Variants in LYPD6 observed in about 807,000 individuals in gnomAD.
The protein encoded by LYPD6 is LY6/PLAUR domain containing 6, also known as ly6/PLAUR domain-containing protein 6.
A neutral mutation model predicts 22.7 loss-of-function variants in LYPD6; 15 were observed. The observed-to-expected ratio is 0.66, with a 90% confidence interval of 0.44 to 1.02. The LOEUF (loss-of-function observed/expected upper bound fraction) is 1.02. Ranked by LOEUF, LYPD6 falls within the 50% of genes least tolerant of loss-of-function variation. The pLI, the probability that LYPD6 is intolerant of heterozygous loss-of-function variation, is 0.00. For missense variants in LYPD6, 189 were observed against 208.4 expected, an observed-to-expected ratio of 0.91 and a Z score of 0.57; for synonymous variants, 72 against 77.5, an observed-to-expected ratio of 0.93 and a Z score of 0.37.
At chr2:149,341,266 C>G (rs1681155495) in intron 1 of LYPD6, among the ~76,000 whole-genome samples, 1 of 152,094 alleles carries the variant, frequency 6.6e-6, no homozygotes, top group Non-Finnish European at 1.5e-5. Flanking sequence ...GGGTGTCCTT[C>G]CATCCATTAT....
intron 1 of LYPD6, among the ~76,000 whole-genome samples, chr2:149,359,049 A>C (rs758495877): frequency 6.6e-6 from 1 of 152,234 alleles, no homozygotes; most frequent in African/African-American, 2.4e-5. Flanking sequence ...ATGATCCTCT[A>C]TGTAATTTTT....
intron 3 of LYPD6, among the ~76,000 whole-genome samples, chr2:149,462,614 T>A (rs1681111499): frequency 6.6e-6 from 1 of 151,798 alleles, no homozygotes; most frequent in South Asian, 2.1e-4. Flanking sequence ...TAAAACGATT[T>A]TGAAAAAGAA....
intron 1 of LYPD6, among the ~76,000 whole-genome samples, chr2:149,336,115 G>A (rs184778562): frequency 1.0e-3 from 153 of 152,244 alleles, no homozygotes; most frequent in African/African-American, 3.4e-3. Flanking sequence ...CTTTTCTTAT[G>A]AATGGGAAAT....
intron 1 of LYPD6, among the ~76,000 whole-genome samples, chr2:149,421,131 A>T (rs6434823): frequency 0.29 from 43,312 of 151,724 alleles, 7,841 homozygotes; most frequent in African/African-American, 0.52. Context: ...TAATCCCACC[A>T]CTTTCTTTAA....
At chr2:149,479,197 T>C in the LYPD6 span, among the ~76,000 whole-genome samples, 2 of 152,150 alleles carry the variant, frequency 1.3e-5, no homozygotes, top group African/African-American at 4.8e-5. Context: ...AATACTTCCA[T>C]TGGCTTCCAT....
chr2:149,354,797 C>A (rs1224059765), intron 1 of LYPD6, among the ~76,000 whole-genome samples: 1 of 152,138 alleles, frequency 6.6e-6, no homozygotes, highest in Non-Finnish European at 1.5e-5. Flanking sequence ...ATATTAATGA[C>A]CTGCAAAATT....
At chr2:149,468,156 C>A (rs984902181) in intron 3 of LYPD6, among the ~76,000 whole-genome samples, 4 of 138,638 alleles carry the variant, frequency 2.9e-5, no homozygotes, top group African/African-American at 8.3e-5. Context: ...CACACACACA[C>A]ACACACACAC....
intron 1 of LYPD6, among the ~76,000 whole-genome samples, chr2:149,341,627 C>A (rs768154748): frequency 4.1e-4 from 63 of 152,126 alleles, no homozygotes; most frequent in Non-Finnish European, 7.6e-4. Context: ...ATACCTGAGA[C>A]TGGGAAATTT....
At chr2:149,445,079 A>G (rs893315899) in intron 2 of LYPD6, among the ~76,000 whole-genome samples, 3 of 152,268 alleles carry the variant, frequency 2.0e-5, no homozygotes, top group African/African-American at 7.2e-5. Context: ...GTTCCCAGGC[A>G]TGAAAACGAC....
intron 3 of LYPD6, among the ~76,000 whole-genome samples, chr2:149,464,809 T>C (rs1681165514): frequency 6.6e-6 from 1 of 152,108 alleles, no homozygotes; most frequent in African/African-American, 2.4e-5. Flanking sequence ...TTCAGAAGAC[T>C]TGGAGACTCC....
At chr2:149,464,111 A>AT in intron 3 of LYPD6, 1 of 321,544 alleles carries the variant, frequency 3.1e-6, no homozygotes, top group South Asian at 1.9e-5. Flanking sequence ...AATAGGTTAA[A>AT]TTAAAAAAAA....
At chr2:149,395,206 T>C (rs575730685) in intron 1 of LYPD6, among the ~76,000 whole-genome samples, 9 of 152,264 alleles carry the variant, frequency 5.9e-5, no homozygotes, top group Non-Finnish European at 1.2e-4. Flanking sequence ...CGTAGAAGCT[T>C]CTGTTGATAC....
At chr2:149,478,948 C>T (rs1371392604), downstream of LYPD6, among the ~76,000 whole-genome samples, 3 of 151,992 alleles carry the variant, frequency 2.0e-5, no homozygotes, top group Admixed American at 1.3e-4. Flanking sequence ...ATCCAGCTAC[C>T]CCCTCTCTTT....
intron 1 of LYPD6, among the ~76,000 whole-genome samples, chr2:149,415,093 A>G (rs1682933173): frequency 6.6e-6 from 1 of 152,210 alleles, no homozygotes. Flanking sequence ...ATAGATGGAC[A>G]CACACTCTAG....
intron 2 of LYPD6, among the ~76,000 whole-genome samples, chr2:149,445,379 A>T (rs1016302109): frequency 6.6e-6 from 1 of 152,176 alleles, no homozygotes; most frequent in Non-Finnish European, 1.5e-5. Context: ...CACCTAACAA[A>T]AGAATCAGCC....
downstream of LYPD6, among the ~76,000 whole-genome samples, chr2:149,476,707 C>T (rs546003653): frequency 6.6e-6 from 1 of 152,318 alleles, no homozygotes; most frequent in African/African-American, 2.4e-5. Context: ...TCAGAATAGA[C>T]TTAGTGTCTT....
chr2:149,375,362 A>G (rs1371785817), intron 1 of LYPD6, among the ~76,000 whole-genome samples: 1 of 152,034 alleles, frequency 6.6e-6, no homozygotes, highest in Non-Finnish European at 1.5e-5. Flanking sequence ...TGAGTGGGGA[A>G]CACTTGAGTG....
intron 3 of LYPD6, among the ~76,000 whole-genome samples, chr2:149,460,757 C>G (rs1303473970): frequency 6.6e-6 from 1 of 152,020 alleles, no homozygotes; most frequent in African/African-American, 2.4e-5. Flanking sequence ...CCTCAACAAA[C>G]TTTTAAAAAT....
chr2:149,343,125 G>A (rs777367348), intron 1 of LYPD6, among the ~76,000 whole-genome samples: 6 of 152,206 alleles, frequency 3.9e-5, no homozygotes, highest in East Asian at 3.9e-4. Flanking sequence ...GTGCCATAGC[G>A]TCTACAAGAC....
Sources: gnomAD v4.1 joint callset for allele counts (sites outside exome capture counted in the v4.1 genomes callset) on GRCh38, gnomAD v4.1.1 for gene constraint, MANE v1.5 for transcripts, NCBI Gene and HGNC (gene_info 2026-07-23, HGNC 2026-07-21) for gene names.